Variants in TRPA1 observed in about 807,000 individuals in gnomAD.
The protein encoded by TRPA1 is transient receptor potential cation channel subfamily A member 1.
A neutral mutation model predicts 131.3 loss-of-function variants in TRPA1; 129 were observed. The observed-to-expected ratio is 0.98, with a 90% confidence interval of 0.85 to 1.14. TRPA1 has a LOEUF of 1.14. TRPA1 is among the 50% of genes most tolerant of loss of function. TRPA1 has a pLI of 0.00. For missense variants in TRPA1, 1,304 were observed against 1,354.2 expected (o/e 0.96, Z 0.58); for synonymous variants, 441 against 451.7 (o/e 0.98, Z 0.30).
intron 7 of TRPA1, 42 bp from the exon 8 acceptor site, chr8:72,059,480 T>C (rs1805754650): frequency 8.2e-7 from 1 of 1,219,190 alleles, no homozygotes; most frequent in East Asian, 2.4e-5. Context: ...AAAGTACTAT[T>C]GATGTAAATA....
the TRPA1 span, among the ~76,000 whole-genome samples, chr8:72,082,400 C>T: frequency 0.44 from 67,442 of 151,730 alleles, 15,272 homozygotes; most frequent in African/African-American, 0.46. Flanking sequence ...AAATAGGATA[C>T]ACAAACACAC....
chr8:72,026,131 A>G (rs2129432570), intron 24 of TRPA1, 58 bp from the exon 25 acceptor site: 1 of 1,302,652 alleles, frequency 7.7e-7, no homozygotes, highest in African/African-American at 1.4e-5. Context: ...GAATTTTTAT[A>G]TGGCACAGAG....
chr8:72,033,952 G>T, intron 22 of TRPA1, 126 bp from the exon 23 acceptor site: 1 of 888,502 alleles, frequency 1.1e-6, no homozygotes, highest in African/African-American at 1.7e-5. Context: ...TATAGCTGTT[G>T]AAATGCAGTG....
At chr8:72,057,197 G>C (rs968570141) in intron 9 of TRPA1, among the ~76,000 whole-genome samples, 180 bp from the exon 10 acceptor site, 6 of 151,728 alleles carry the variant, frequency 4.0e-5, no homozygotes, top group African/African-American at 9.7e-5. Context: ...CTTACTCTCT[G>C]TGTGTGTGTG....
chr8:72,062,943 A>G lies in TRPA1; in HGVS notation c.663T>C (p.Gly221=), dbSNP rs1488113902. The change falls in exon 6 of 27, where the codon GGT becomes GGC. Residue 221 remains glycine (G), a splice_region_variant and synonymous_variant. Transcript: ENST00000262209. ...ACTGTCTACTGTACCCATGCTCTTC[A>G]CCTTGAGAAGAAAATAACATTCAAC... ...KECMEIILRF[G]EEHGYSRQLH... is the part of the protein sequence containing the mutation. The G allele has an allele frequency of 6.2e-7, 1 of 1,613,414 alleles. No individual in the cohort carries two copies. The highest frequency in any genetic ancestry group is 8.5e-7 in the Non-Finnish European group (1 of 1,179,644).
intron 23 of TRPA1, among the ~76,000 whole-genome samples, chr8:72,030,749 G>C (rs756932256): frequency 2.0e-5 from 3 of 152,196 alleles, no homozygotes; most frequent in Non-Finnish European, 4.4e-5. Flanking sequence ...ACTAAACTGA[G>C]AGAATGATAC....
rs199545746 is a variant in TRPA1 at position 72,039,800 on chromosome 8, G to A, written c.2062-3C>T. Reference sequence around the variant, plus strand: ...ATGCGGTTATTTTGTACCATTGCCTGAGAAATAAAAAAAAGTGTAATAAAA... The same window carrying A: ...ATGCGGTTATTTTGTACCATTGCCTAAGAAATAAAAAAAAGTGTAATAAAA... On this transcript the variant is annotated splice_region_variant and splice_polypyrimidine_tract_variant and intron_variant, in intron 17 of 26. Transcript: ENST00000262209. 9 of 1,597,314 alleles carry A rather than the reference G, an allele frequency of 5.6e-6. No individual in the cohort carries two copies. The highest frequency in any genetic ancestry group is 1.3e-5 in the African/African-American group (1 of 74,398).
At chr8:72,081,637 A>T in the TRPA1 span, among the ~76,000 whole-genome samples, 1 of 151,782 alleles carries the variant, frequency 6.6e-6, no homozygotes, top group Non-Finnish European at 1.5e-5. Flanking sequence ...TTCTTCTCAC[A>T]ATTCTGTCAG....
rs189028487 is a variant in TRPA1 at position 72,060,961 on chromosome 8, C to T, written c.944+664G>A. ...CTGTGTGTGCTTGTGTGTGTGTGCA[C>T]GTGTGTGTGGAAGAGACCAAGAGAG... On this transcript the variant is annotated intron_variant, in intron 7 of 26. Transcript: ENST00000262209. Among the ~76,000 whole-genome samples the T allele has an allele frequency of 2.2e-3, 335 of 151,020 alleles. 3 individuals are homozygous for T. The highest frequency in any genetic ancestry group is 6.3e-3 in the African/African-American group (261 of 41,144).
At chr8:72,039,129 T>C in intron 18 of TRPA1, 102 bp from the exon 19 acceptor site, 1 of 1,172,106 alleles carries the variant, frequency 8.5e-7, no homozygotes, top group South Asian at 1.3e-5. Context: ...AGAAACCTTG[T>C]TGGTAAATTC....
At chr8:72,073,247 A>G (rs1806104676) in intron 1 of TRPA1, among the ~76,000 whole-genome samples, 1 of 152,236 alleles carries the variant, frequency 6.6e-6, no homozygotes, top group Admixed American at 6.5e-5. Context: ...AACTAAGGTG[A>G]GAGATAAAAA....
intron 17 of TRPA1, among the ~76,000 whole-genome samples, chr8:72,043,076 A>G (rs931490872): frequency 9.9e-5 from 15 of 151,844 alleles, no homozygotes; most frequent in Non-Finnish European, 2.1e-4. Flanking sequence ...ACCACAAGTA[A>G]AAAAGAAGAA....
In TRPA1 at chr8:72,061,769, G is replaced by A; in HGVS notation, c.808-8C>T. 1.2e-6 allele frequency: 2 copies of A among 1,613,726 alleles called. No homozygotes were observed. Among genetic ancestry groups the A allele is most frequent in the Non-Finnish European group, 1.7e-6 (2 of 1,179,756 alleles). ...GGCTGTGCACCTTCCCTTCTGTAAAGGGTTTTAATGCTAGAATCAATGTTT... is the reference window on the plus strand; with the variant it reads ...GGCTGTGCACCTTCCCTTCTGTAAAAGGTTTTAATGCTAGAATCAATGTTT... On this transcript the variant is annotated splice_region_variant and splice_polypyrimidine_tract_variant and intron_variant, in intron 6 of 26. Coordinates refer to ENST00000262209, the MANE Select transcript of TRPA1 (RefSeq NM_007332.3).
the TRPA1 span, among the ~76,000 whole-genome samples, chr8:72,084,841 G>A: frequency 2.0e-5 from 3 of 151,588 alleles, no homozygotes; most frequent in Non-Finnish European, 2.9e-5. Context: ...TAGGAGAGAC[G>A]AGGTTTCATT....
chr8:72,021,910 A>C lies in TRPA1; in HGVS notation c.*996T>G, dbSNP rs1384595450. ...GCTATAGCATAATAACATCTGTGTA[A>C]ATAATAACAGACTCAAAACAACACT... On this transcript the variant is annotated 3_prime_UTR_variant, in exon 27 of 27. Coordinates refer to ENST00000262209, the MANE Select transcript of TRPA1 (RefSeq NM_007332.3). The C allele has an allele frequency of 1.3e-5, 2 of 152,212 alleles. No homozygotes were observed. Among genetic ancestry groups the C allele is most frequent in the Non-Finnish European group, 1.5e-5 (1 of 68,020 alleles). The allele number at this position is 152,212 out of a possible 1,614,324, so 9.4% of individuals were successfully genotyped here. A position where few individuals can be genotyped will look rare whatever the true frequency, so the allele number is the denominator to read the frequency against.
At chr8:72,071,493 G>T (rs1394394975) in intron 2 of TRPA1, among the ~76,000 whole-genome samples, 4 of 152,168 alleles carry the variant, frequency 2.6e-5, no homozygotes, top group Non-Finnish European at 5.9e-5. Context: ...GTCTGTGCTT[G>T]TTGTGGGGTG....
chr8:72,025,976 G>A lies in TRPA1; in HGVS notation c.3035C>T (p.Ser1012Phe). ...TGTACTTACGAATAACATCCCACCA[G>A]ATCTGGGTTTGTTGGGATACACGAT... Reference protein sequence around the residue: ...STIVYPNKPRSGGMLFHIFCF... With the variant: ...STIVYPNKPRFGGMLFHIFCF... Residue 1012 changes from serine (S) to phenylalanine (F), a missense_variant, in exon 25 of 27, where the codon TCT (serine) becomes TTT (phenylalanine). Coordinates refer to ENST00000262209, the MANE Select transcript of TRPA1 (RefSeq NM_007332.3). 1 of 1,613,440 alleles carries A rather than the reference G, an allele frequency of 6.2e-7. No homozygotes were observed. Among genetic ancestry groups the A allele is most frequent in the Non-Finnish European group, 8.5e-7 (1 of 1,179,460 alleles).
intron 24 of TRPA1, among the ~76,000 whole-genome samples, chr8:72,028,792 T>C (rs185154359): frequency 6.6e-6 from 1 of 152,240 alleles, no homozygotes; most frequent in African/African-American, 2.4e-5. Context: ...ATACTATGTA[T>C]TGAAACATTG....
chr8:72,079,427 T>A (rs1806248883), upstream of TRPA1, among the ~76,000 whole-genome samples: 2 of 152,066 alleles, frequency 1.3e-5, no homozygotes, highest in South Asian at 4.1e-4. Context: ...TTATTGCATA[T>A]GGATATACAA....
Sources: gnomAD v4.1 joint callset for allele counts (sites outside exome capture counted in the v4.1 genomes callset) on GRCh38, gnomAD v4.1.1 for gene constraint, MANE v1.5 for transcripts, NCBI Gene and HGNC (gene_info 2026-07-23, HGNC 2026-07-21) for gene names.